The following OXR1 variants were observed in gnomAD, a reference collection of about 807,000 sequenced individuals.
The protein encoded by OXR1 is oxidation resistance protein 1.
A neutral mutation model predicts 104.6 loss-of-function variants in OXR1; 41 were observed. The observed-to-expected ratio is 0.39, with a 90% confidence interval of 0.31 to 0.51. OXR1 has a LOEUF of 0.51. Among genes scored for constraint, OXR1 ranks in the 20% least tolerant of loss-of-function variants. The pLI, the probability that OXR1 is intolerant of heterozygous loss-of-function variation, is 0.77. For missense variants in OXR1, 955 were observed against 1,031.9 expected, an observed-to-expected ratio of 0.93 and a Z score of 1.02; for synonymous variants, 348 against 348.4, an observed-to-expected ratio of 1.00 and a Z score of 0.01.
At chr8:106,503,050 C>T (rs1811914585) in intron 2 of OXR1, among the ~76,000 whole-genome samples, 1 of 152,048 alleles carries the variant, frequency 6.6e-6, no homozygotes, top group South Asian at 2.1e-4. Flanking sequence ...AGGATAGCAA[C>T]ATTTTTCTTT....
At chr8:106,305,520 T>C in intron 1 of OXR1, among the ~76,000 whole-genome samples, 1 of 152,216 alleles carries the variant, frequency 6.6e-6, no homozygotes, top group East Asian at 1.9e-4. Context: ...ATCTTTGATC[T>C]ATTTGTATTA....
intron 3 of OXR1, among the ~76,000 whole-genome samples, chr8:106,645,054 G>C (rs530892573): frequency 1.3e-5 from 2 of 152,090 alleles, no homozygotes; most frequent in South Asian, 2.1e-4. Flanking sequence ...GTTGGAGATC[G>C]ATTAAAGAGG....
intron 3 of OXR1, among the ~76,000 whole-genome samples, chr8:106,542,560 T>A (rs987654947): frequency 2.6e-5 from 4 of 152,210 alleles, no homozygotes; most frequent in Non-Finnish European, 4.4e-5. Context: ...ATATATGCAA[T>A]CATAAAATTA....
intron 11 of OXR1, among the ~76,000 whole-genome samples, chr8:106,717,573 A>G (rs1407450340): frequency 6.6e-6 from 1 of 152,226 alleles, no homozygotes; most frequent in Non-Finnish European, 1.5e-5. Context: ...GGAAGTTTGT[A>G]TATGATAAAT....
chr8:106,485,153 C>A (rs560547547), intron 2 of OXR1, among the ~76,000 whole-genome samples: 1 of 151,548 alleles, frequency 6.6e-6, no homozygotes, highest in Admixed American at 6.6e-5. Context: ...TCCATTGTTA[C>A]CAGGGGTTCA....
intron 2 of OXR1, among the ~76,000 whole-genome samples, chr8:106,384,293 G>C (rs142802074): frequency 6.6e-6 from 1 of 152,094 alleles, no homozygotes; most frequent in Non-Finnish European, 1.5e-5. Flanking sequence ...TGAAATAGGC[G>C]TGCTTATGAT....
At position 106,518,963 on chromosome 8, in the gene OXR1, C is replaced by G; in HGVS notation, c.44C>G (p.Ser15Trp). 1 of 1,550,782 alleles carries G rather than the reference C, an allele frequency of 6.4e-7. No individual in the cohort carries two copies. The highest frequency in any genetic ancestry group is 8.7e-7 in the Non-Finnish European group (1 of 1,146,430). ...NLSWLKKKSQ[S>W]VDINAPGFNP... ...TGTAGGCTGAAGAAAAAGTCCCAGT[C>G]GGTGGATATTAATGCTCCAGGGTTC... Residue 15 changes from serine to tryptophan, a missense_variant, in exon 3 of 17, where the codon TCG (serine) becomes TGG (tryptophan). By Grantham distance (177) the Ser-to-Trp change is radical. This residue lies in a region of OXR1 where 849 missense variants were observed against 852.9 expected (regional missense o/e 1.00). Coordinates refer to ENST00000517566, the MANE Select transcript of OXR1 (RefSeq NM_001198533.2).
In OXR1 at chr8:106,740,350, A is replaced by G. The variant is rs571685347; in HGVS notation, c.2171A>G (p.Lys724Arg). ...LLPDQIEKLT[K>R]HLPPRTIGYP... ...ACACTTTGTTTTCTAAAGCTTACCAAGCATCTTCCACCAAGAACAATTGGC... is the reference window on the plus strand; with the variant it reads ...ACACTTTGTTTTCTAAAGCTTACCAGGCATCTTCCACCAAGAACAATTGGC... The change falls in exon 14 of 17, where the codon AAG (lysine) becomes AGG (arginine). Residue 724 changes from lysine to arginine, a missense_variant. Lys to Arg is a conservative substitution (Grantham distance 26). Coordinates refer to ENST00000517566, the MANE Select transcript of OXR1 (RefSeq NM_001198533.2). 3.7e-6 allele frequency: 6 copies of G among 1,610,526 alleles called. No individual in the cohort carries two copies. Among genetic ancestry groups the G allele is most frequent in the East Asian group, 2.2e-5 (1 of 44,764 alleles).
At chr8:106,379,537 C>CTTTTTTTTTTTTTTTTTTTTTTTTTTTT (rs60855438) in intron 2 of OXR1, among the ~76,000 whole-genome samples, 1 of 108,400 alleles carries the variant, frequency 9.2e-6, no homozygotes. Flanking sequence ...TTCTTTCTTT[C>CTTTTTTTTTTTTTTTTTTTTTTTTTTTT]TTTTTTTTTT....
At chr8:106,620,542 T>C (rs574153708) in intron 3 of OXR1, among the ~76,000 whole-genome samples, 1 of 152,328 alleles carries the variant, frequency 6.6e-6, no homozygotes, top group East Asian at 1.9e-4. Flanking sequence ...CCTGGCACTG[T>C]GGTTCTAACT....
intron 15 of OXR1, among the ~76,000 whole-genome samples, chr8:106,744,019 C>T (rs974801064): frequency 2.6e-5 from 4 of 152,124 alleles, no homozygotes; most frequent in Non-Finnish European, 5.9e-5. Flanking sequence ...TTCAGGGGAA[C>T]AACACAGACC....
At chr8:106,315,773 C>T (rs1156751787) in intron 1 of OXR1, among the ~76,000 whole-genome samples, 1 of 152,118 alleles carries the variant, frequency 6.6e-6, no homozygotes, top group Admixed American at 6.6e-5. Context: ...AGAAAAGACT[C>T]GGATTCCACT....
chr8:106,524,266 A>G (rs1813485329), intron 3 of OXR1, among the ~76,000 whole-genome samples: 1 of 152,226 alleles, frequency 6.6e-6, no homozygotes, highest in South Asian at 2.1e-4. Flanking sequence ...AAAGAACTAC[A>G]TATAAGGACT....
chr8:106,570,957 G>T (rs1308150304), intron 3 of OXR1, among the ~76,000 whole-genome samples: 2 of 151,910 alleles, frequency 1.3e-5, no homozygotes. Flanking sequence ...TTGGTATGGG[G>T]TCATGCCAAT....
At chr8:106,299,857 A>G (rs962845960) in intron 1 of OXR1, among the ~76,000 whole-genome samples, 3 of 152,194 alleles carry the variant, frequency 2.0e-5, no homozygotes, top group African/African-American at 7.2e-5. Flanking sequence ...GAAGGACTAT[A>G]GTGCATGAAT....
chr8:106,589,173 A>T (rs915562886), intron 3 of OXR1, among the ~76,000 whole-genome samples: 1 of 152,106 alleles, frequency 6.6e-6, no homozygotes, highest in South Asian at 2.1e-4. Context: ...TGCCTTATCT[A>T]CTGGGTGGTG....
chr8:106,720,732 A>G (rs1215656621), intron 11 of OXR1: 7 of 968,982 alleles, frequency 7.2e-6, no homozygotes, highest in Non-Finnish European at 7.4e-6. Context: ...AGATCAAAAA[A>G]CATACCAGGC....
At chr8:106,384,037 C>T (rs899469642) in intron 2 of OXR1, among the ~76,000 whole-genome samples, 3 of 152,156 alleles carry the variant, frequency 2.0e-5, no homozygotes, top group African/African-American at 7.2e-5. Flanking sequence ...AAGACTTCAT[C>T]TGTGTGCTAT....
At chr8:106,298,788 C>T (rs886757801) in intron 1 of OXR1, among the ~76,000 whole-genome samples, 3 of 151,984 alleles carry the variant, frequency 2.0e-5, no homozygotes, top group Admixed American at 6.6e-5. Flanking sequence ...AAAAACCACC[C>T]CAGAACAAAA....
Sources: gnomAD v4.1 joint callset for allele counts (sites outside exome capture counted in the v4.1 genomes callset) on GRCh38, gnomAD v4.1.1 for gene constraint, gnomAD v4.1.1 regional missense constraint, MANE v1.5 for transcripts, NCBI Gene and HGNC (gene_info 2026-07-23, HGNC 2026-07-21) for gene names.